The following GNG2 variants were observed in gnomAD, a reference collection of about 807,000 sequenced individuals.
GNG2 encodes G protein subunit gamma 2, also known as guanine nucleotide-binding protein G(I)/G(S)/G(O) subunit gamma-2.
A neutral mutation model predicts 5.5 loss-of-function variants in GNG2; 5 were observed. That is an observed-to-expected ratio of 0.91 (90% CI 0.48 to 1.92). GNG2 has a LOEUF of 1.92. Ranked by LOEUF, GNG2 falls within the 30% of genes most tolerant of loss-of-function variation. GNG2 has a pLI of 0.01. For missense variants in GNG2, 55 were observed against 88.4 expected, an observed-to-expected ratio of 0.62 and a Z score of 1.52; for synonymous variants, 28 against 32.0, an observed-to-expected ratio of 0.88 and a Z score of 0.42.
intron 2 of GNG2, among the ~76,000 whole-genome samples, chr14:51,927,939 G>GTT (rs575542112): frequency 6.6e-6 from 1 of 151,482 alleles, no homozygotes; most frequent in Admixed American, 6.6e-5. Flanking sequence ...GAATCCTGAG[G>GTT]TTTTTGTCAT....
At chr14:51,874,802 T>C (rs1381700979) in intron 1 of GNG2, among the ~76,000 whole-genome samples, 1 of 152,160 alleles carries the variant, frequency 6.6e-6, no homozygotes, top group East Asian at 1.9e-4. Flanking sequence ...TTTTACTGCT[T>C]AGAATATGCC....
At chr14:51,869,513 G>A (rs1883159993) in intron 1 of GNG2, among the ~76,000 whole-genome samples, 1 of 152,126 alleles carries the variant, frequency 6.6e-6, no homozygotes, top group Non-Finnish European at 1.5e-5. Flanking sequence ...TTTCTTATGT[G>A]GCTCTTTCTG....
chr14:51,837,113 C>A (rs1049172031), intron 2 of GNG2, among the ~76,000 whole-genome samples: 2 of 151,894 alleles, frequency 1.3e-5, no homozygotes, highest in East Asian at 3.9e-4. Context: ...CCCGCCTTGG[C>A]CTCCCAAAGT....
At chr14:51,894,123 A>T (rs1885034888) in intron 2 of GNG2, among the ~76,000 whole-genome samples, 1 of 152,130 alleles carries the variant, frequency 6.6e-6, no homozygotes, top group Non-Finnish European at 1.5e-5. Context: ...CAAAAAGGGG[A>T]AAACAACCAT....
At chr14:51,835,056 A>T (rs1279028178) in intron 2 of GNG2, among the ~76,000 whole-genome samples, 1 of 152,330 alleles carries the variant, frequency 6.6e-6, no homozygotes, top group African/African-American at 2.4e-5. Context: ...ATTAGGCTCC[A>T]GAGAGTGGCT....
At chr14:51,955,946 C>T (rs1329330643) in intron 3 of GNG2, among the ~76,000 whole-genome samples, 2 of 152,090 alleles carry the variant, frequency 1.3e-5, no homozygotes, top group Non-Finnish European at 2.9e-5. Flanking sequence ...CTTCATGGAA[C>T]CCTGTAGTGA....
rs1442248384 is a variant in GNG2, at chr14:51,832,856, G to A, written c.64+5049G>A. 2.0e-5 allele frequency among the ~76,000 whole-genome samples: 3 copies of A among 152,102 alleles called. No individual in the cohort carries two copies. The East Asian group carries it at 5.8e-4, about 29-fold the overall frequency. On this transcript the variant is annotated intron_variant, in intron 2 of 3. Coordinates refer to the GNG2 transcript ENST00000553432. ...AGGGCTTCAATATACAAATTAAGGG[G>A]TTTTAGACACAGAGCATAGCAATAG...
chr14:51,915,604 T>C (rs531407206), intron 2 of GNG2, among the ~76,000 whole-genome samples: 1 of 152,290 alleles, frequency 6.6e-6, no homozygotes, highest in African/African-American at 2.4e-5. Context: ...ACTTTTTATT[T>C]AAAAGAAGAA....
chr14:51,894,795 C>G (rs1885077742), intron 2 of GNG2, among the ~76,000 whole-genome samples: 1 of 152,016 alleles, frequency 6.6e-6, no homozygotes, highest in Non-Finnish European at 1.5e-5. Context: ...ACCTACAGTA[C>G]TTCTGTACTT....
At chr14:51,956,709 T>C (rs1216617018) in intron 3 of GNG2, among the ~76,000 whole-genome samples, 1 of 152,200 alleles carries the variant, frequency 6.6e-6, no homozygotes, top group Non-Finnish European at 1.5e-5. Flanking sequence ...ACTGATACCC[T>C]TAATACACAG....
At chr14:51,919,379 A>G (rs1223866509) in intron 2 of GNG2, among the ~76,000 whole-genome samples, 1 of 152,260 alleles carries the variant, frequency 6.6e-6, no homozygotes, top group Non-Finnish European at 1.5e-5. Context: ...GTTTTTGAAC[A>G]TCTTTAAAGT....
At chr14:51,942,961 T>C (rs1253714791) in intron 2 of GNG2, among the ~76,000 whole-genome samples, 1 of 152,156 alleles carries the variant, frequency 6.6e-6, no homozygotes, top group Non-Finnish European at 1.5e-5. Flanking sequence ...TCACCCCAGC[T>C]GATTTCCAGA....
At chr14:51,902,299 T>C (rs1189225534) in intron 2 of GNG2, among the ~76,000 whole-genome samples, 1 of 152,236 alleles carries the variant, frequency 6.6e-6, no homozygotes, top group Non-Finnish European at 1.5e-5. Context: ...TTTTCTATAT[T>C]ACATAAAGTG....
intron 2 of GNG2, among the ~76,000 whole-genome samples, chr14:51,880,979 A>C (rs1011025438): frequency 6.6e-6 from 1 of 150,876 alleles, no homozygotes; most frequent in African/African-American, 2.4e-5. Flanking sequence ...AAAAAAAAAA[A>C]AAAAAAAAAC....
At chr14:51,851,641 G>T (rs375564162) in intron 2 of GNG2, among the ~76,000 whole-genome samples, 2 of 152,246 alleles carry the variant, frequency 1.3e-5, no homozygotes, top group African/African-American at 4.8e-5. Flanking sequence ...CATAGATGGT[G>T]AGTCTTTGAA....
intron 2 of GNG2, among the ~76,000 whole-genome samples, chr14:51,879,509 T>C (rs1028619373): frequency 6.6e-6 from 1 of 152,216 alleles, no homozygotes; most frequent in Admixed American, 6.5e-5. Flanking sequence ...ACAACACAAA[T>C]GTATTATCTT....
chr14:51,921,844 C>T (rs1466750170), intron 2 of GNG2, among the ~76,000 whole-genome samples: 1 of 152,170 alleles, frequency 6.6e-6, no homozygotes, highest in African/African-American at 2.4e-5. Flanking sequence ...AATGTATAAG[C>T]ATTAACTTCA....
chr14:51,924,110 A>G, intron 2 of GNG2, among the ~76,000 whole-genome samples: 1 of 152,214 alleles, frequency 6.6e-6, no homozygotes, highest in African/African-American at 2.4e-5. Flanking sequence ...TCATATTGAG[A>G]TTGGCTTCAC....
intron 2 of GNG2, among the ~76,000 whole-genome samples, chr14:51,844,961 G>A (rs533738497): frequency 2.6e-5 from 4 of 152,086 alleles, no homozygotes; most frequent in Admixed American, 6.5e-5. Flanking sequence ...TCTTGACCTC[G>A]TGATCCTTCC....
Sources: allele counts gnomAD v4.1 joint callset (sites outside exome capture counted in the v4.1 genomes callset), GRCh38; gene constraint gnomAD v4.1.1; transcripts MANE v1.5; gene names NCBI Gene and HGNC (gene_info 2026-07-23, HGNC 2026-07-21).